The following KIRREL3 variants were observed in gnomAD, a reference collection of about 807,000 sequenced individuals.
KIRREL3 encodes the protein kin of IRRE-like protein 3.
In KIRREL3, 36 loss-of-function variants were observed where a neutral mutation model predicts 89.7. The ratio of observed to expected loss-of-function variants is 0.40; its 90% CI spans 0.31 to 0.53. The LOEUF (loss-of-function observed/expected upper bound fraction) is 0.53. KIRREL3 is among the 20% of genes least tolerant of loss of function. The pLI, the probability that KIRREL3 is intolerant of heterozygous loss-of-function variation, is 0.49. For synonymous variants in KIRREL3, 445 were observed against 441.4 expected, an observed-to-expected ratio of 1.01 and a Z score of -0.10; for missense variants, 864 against 1,056.6, an observed-to-expected ratio of 0.82 and a Z score of 2.53.
In KIRREL3 at chr11:126,812,338, T is replaced by G. The variant is rs1951418166; in HGVS notation, c.55+188117A>C. ...GACTGGGGGAAAACGAAGTATGCTC[T>G]CCAGGCTAACCGTTGGTGGTTTAGG... On this transcript the variant is annotated intron_variant, in intron 1 of 16. Transcript: ENST00000525144. The surrounding 1 kb of genome is among the most constrained non-coding windows in gnomAD (Gnocchi z 5.2). Among the ~76,000 whole-genome samples, 1 of 152,154 alleles carries G rather than the reference T, an allele frequency of 6.6e-6. No individual in the cohort carries two copies.
rs1423121265 is a variant in KIRREL3 at position 126,802,372 on chromosome 11, G to T, written c.55+198083C>A. On this transcript the variant is annotated intron_variant, in intron 1 of 16. Transcript: ENST00000525144. The surrounding 1 kb of genome is among the most constrained non-coding windows in gnomAD (Gnocchi z 5.2). ...GGAGAAAAGCTTTCGCTATACTGAA[G>T]GTCTGTGAATAATGGTGATCATTCA... is the stretch of plus-strand genomic sequence containing the variant. 6.6e-6 allele frequency among the ~76,000 whole-genome samples: 1 copy of T among 152,142 alleles called. No individual in the cohort carries two copies. The highest frequency in any genetic ancestry group is 1.5e-5 in the Non-Finnish European group (1 of 68,028).
intron 1 of KIRREL3, among the ~76,000 whole-genome samples, chr11:126,765,429 A>C (rs1389128868): frequency 1.3e-5 from 2 of 152,142 alleles, no homozygotes; most frequent in African/African-American, 4.8e-5. Context: ...ATGCCTGCTC[A>C]ACCAACCCTC....
In KIRREL3 at chr11:126,772,518, G is replaced by T. The variant is rs1206990730; in HGVS notation, c.56-209606C>A. Among the ~76,000 whole-genome samples, 4 of 152,188 alleles carry T rather than the reference G, an allele frequency of 2.6e-5. No homozygotes were observed. Among genetic ancestry groups the T allele is most frequent in the Admixed American group, 2.0e-4 (3 of 15,284 alleles). On this transcript the variant is annotated intron_variant, in intron 1 of 16. Coordinates refer to ENST00000525144, the MANE Select transcript of KIRREL3 (RefSeq NM_032531.4). The surrounding 1 kb of genome is among the most constrained non-coding windows in gnomAD (Gnocchi z 4.6). Reference sequence around the variant, plus strand: ...TGATGACCTGAAATGGCATGTGTGTGACATGTGTGTTTCACCTCCGGAGTC... The same window carrying T: ...TGATGACCTGAAATGGCATGTGTGTTACATGTGTGTTTCACCTCCGGAGTC...
intron 1 of KIRREL3, among the ~76,000 whole-genome samples, chr11:126,922,984 G>A (rs80277866): frequency 0.013 from 1,980 of 152,280 alleles, 44 homozygotes; most frequent in African/African-American, 0.045. Context: ...CCTCGAGTCG[G>A]TGCCCTTGCA....
intron 1 of KIRREL3, among the ~76,000 whole-genome samples, chr11:126,698,779 T>C (rs950803533): frequency 2.0e-4 from 31 of 152,308 alleles, no homozygotes; most frequent in Admixed American, 9.1e-4. Context: ...CCAACTGCCA[T>C]TGGCTTCTCT....
intron 1 of KIRREL3, among the ~76,000 whole-genome samples, chr11:126,923,129 C>CTCTTCTCTTCTTCTTCT (rs1947436837): frequency 1.2e-4 from 3 of 25,732 alleles, no homozygotes; most frequent in African/African-American, 1.9e-4. Flanking sequence ...TCTCCTTCTT[C>CTCTTCTCTTCTTCTTCT]TCTTCTTCTT....
Position 126,924,919 on chromosome 11 carries a change from G to T in KIRREL3, c.55+75536C>A, listed in dbSNP as rs1947633773. ...TGTGGCTCTGTGTATGTGTGTGTGTGTACATGCTTATGTGTGTGTGTGTGT... is the reference window on the plus strand; with the variant it reads ...TGTGGCTCTGTGTATGTGTGTGTGTTTACATGCTTATGTGTGTGTGTGTGT... On this transcript the variant is annotated intron_variant, in intron 1 of 16. Coordinates refer to ENST00000525144, the MANE Select transcript of KIRREL3 (RefSeq NM_032531.4). This position sits in a 1 kb window ranked among gnomAD's most constrained non-coding sequence, Gnocchi z 4.7. 6.6e-6 allele frequency among the ~76,000 whole-genome samples: 1 copy of T among 151,340 alleles called. No homozygotes were observed. The highest frequency in any genetic ancestry group is 2.4e-5 in the African/African-American group (1 of 41,116).
intron 8 of KIRREL3, among the ~76,000 whole-genome samples, chr11:126,447,589 A>G (rs1439464367): frequency 1.3e-5 from 2 of 152,112 alleles, no homozygotes; most frequent in Non-Finnish European, 2.9e-5. Context: ...TCTCCTAAGC[A>G]TTAAAGAGCT....
chr11:126,813,586 T>C (rs1486722118), intron 1 of KIRREL3, among the ~76,000 whole-genome samples: 2 of 152,222 alleles, frequency 1.3e-5, no homozygotes, highest in Non-Finnish European at 2.9e-5. Flanking sequence ...TATTTAGAGC[T>C]TGATATCTTC....
chr11:126,755,368 T>TA lies in KIRREL3; in HGVS notation c.56-192457dup. On this transcript the variant is annotated intron_variant, in intron 1 of 16. Coordinates refer to ENST00000525144, the MANE Select transcript of KIRREL3 (RefSeq NM_032531.4). The surrounding 1 kb of genome is among the most constrained non-coding windows in gnomAD (Gnocchi z 4.3). ...GTCCTGAAGTGCAGGTAATCGTGTT[T>TA]AAAAAGATAGGGAACATGACAGGAA... 6.6e-6 allele frequency among the ~76,000 whole-genome samples: 1 copy of TA among 152,190 alleles called. No homozygotes were observed. The highest frequency in any genetic ancestry group is 1.9e-4 in the East Asian group (1 of 5,170).
chr11:126,664,271 C>T lies in KIRREL3; in HGVS notation c.56-101359G>A, dbSNP rs1249495072. ...TTTTTACCATCATTATGATCATCAA[C>T]CCAGCACCAATTATGTAGAGCAGGC... On this transcript the variant is annotated intron_variant, in intron 1 of 16. Transcript: ENST00000525144. This position sits in a 1 kb window ranked among gnomAD's most constrained non-coding sequence, Gnocchi z 5.4. Among the ~76,000 whole-genome samples, 1 of 151,658 alleles carries T rather than the reference C, an allele frequency of 6.6e-6. No individual in the cohort carries two copies. Among genetic ancestry groups the T allele is most frequent in the Non-Finnish European group, 1.5e-5 (1 of 67,994 alleles).
intron 1 of KIRREL3, among the ~76,000 whole-genome samples, chr11:126,902,315 TG>T (rs1946405328): frequency 6.6e-6 from 1 of 152,256 alleles, no homozygotes; most frequent in Admixed American, 6.5e-5. Context: ...TTCGTGTCTT[TG>T]TTATAGAGGA....
rs1470399966 is a variant in KIRREL3 at position 126,685,486 on chromosome 11, GC to G, written c.56-122575del. ...TGAGACTGGCTCAGAAAAGGGGTCT[GC>G]CCCCAGTGCATAATAATAGCAGTGA... On this transcript the variant is annotated intron_variant, in intron 1 of 16. Transcript: ENST00000525144. This position sits in a 1 kb window ranked among gnomAD's most constrained non-coding sequence, Gnocchi z 5.5. 6.6e-6 allele frequency among the ~76,000 whole-genome samples: 1 copy of G among 152,134 alleles called. No individual in the cohort carries two copies.
rs556145571 is a variant in KIRREL3 at position 126,946,888 on chromosome 11, C to G, written c.55+53567G>C. ...TAACTAGGGTGTGGTGGGCCTTGAA[C>G]TAGGCATTTGGTATCACCATACAGA... On this transcript the variant is annotated intron_variant, in intron 1 of 16. Transcript: ENST00000525144. This position sits in a 1 kb window ranked among gnomAD's most constrained non-coding sequence, Gnocchi z 4.1. Among the ~76,000 whole-genome samples, 1 of 152,188 alleles carries G rather than the reference C, an allele frequency of 6.6e-6. No individual in the cohort carries two copies. The highest frequency in any genetic ancestry group is 1.5e-5 in the Non-Finnish European group (1 of 68,036).
At chr11:126,446,603 T>C (rs1293927061) in intron 9 of KIRREL3, among the ~76,000 whole-genome samples, 156 bp downstream of exon 9, 3 of 152,158 alleles carry the variant, frequency 2.0e-5, no homozygotes, top group Non-Finnish European at 4.4e-5. Flanking sequence ...GTGCCTGGGT[T>C]CCCCCTCCTC....
chr11:126,478,584 T>C (rs1330004559), intron 4 of KIRREL3, among the ~76,000 whole-genome samples: 1 of 151,056 alleles, frequency 6.6e-6, no homozygotes, highest in Non-Finnish European at 1.5e-5. Context: ...TGTGTACACG[T>C]GTGTATGTGT....
chr11:126,680,551 C>A (rs1418167820), intron 1 of KIRREL3, among the ~76,000 whole-genome samples: 3 of 151,950 alleles, frequency 2.0e-5, no homozygotes, highest in Non-Finnish European at 4.4e-5. Context: ...CAGGAGCTAT[C>A]TAGAGAGGGA....
chr11:126,628,311 G>A lies in KIRREL3; in HGVS notation c.56-65399C>T, dbSNP rs146826544. ...GTGAGAAGGAAAATGAGAACATTCC[G>A]GAAGGAAGCACTCTTCTTTCTCTGG... On this transcript the variant is annotated intron_variant, in intron 1 of 16. Transcript: ENST00000525144. This position sits in a 1 kb window ranked among gnomAD's most constrained non-coding sequence, Gnocchi z 5.2. Among the ~76,000 whole-genome samples the A allele has an allele frequency of 6.6e-4, 100 of 152,254 alleles. No homozygotes were observed. The highest frequency in any genetic ancestry group is 2.0e-3 in the African/African-American group (83 of 41,546).
At position 126,508,110 on chromosome 11, in the gene KIRREL3, T is replaced by C. The variant is rs1297329672; in HGVS notation, c.433+13205A>G. Among the ~76,000 whole-genome samples the C allele has an allele frequency of 2.0e-5, 3 of 152,360 alleles. No homozygotes were observed. Among genetic ancestry groups the C allele is most frequent in the African/African-American group, 7.2e-5 (3 of 41,590 alleles). On this transcript the variant is annotated intron_variant, in intron 4 of 16. Transcript: ENST00000525144. This position sits in a 1 kb window ranked among gnomAD's most constrained non-coding sequence, Gnocchi z 4.9. ...TTCTTGCCTGCACCACTGAAGCTGCTGGGTGATCTCTCAGCTGCTAACATT... is the reference window on the plus strand; with the variant it reads ...TTCTTGCCTGCACCACTGAAGCTGCCGGGTGATCTCTCAGCTGCTAACATT...
Sources: gnomAD v4.1 joint callset for allele counts (sites outside exome capture counted in the v4.1 genomes callset) on GRCh38, gnomAD v4.1.1 for gene constraint, Gnocchi (gnomAD v3.1) non-coding constraint, MANE v1.5 for transcripts, NCBI Gene and HGNC (gene_info 2026-07-23, HGNC 2026-07-21) for gene names.